Variants in PDE3A observed in about 807,000 individuals in gnomAD.
The protein encoded by PDE3A is cGMP-inhibited 3',5'-cyclic phosphodiesterase 3A.
In PDE3A, 43 loss-of-function variants were observed where a neutral mutation model predicts 98.3. The observed-to-expected ratio is 0.44, with a 90% CI of 0.34 to 0.56. PDE3A has a LOEUF of 0.56. Among genes scored for constraint, PDE3A ranks in the 20% least tolerant of loss-of-function variants. The pLI, the probability that PDE3A is intolerant of heterozygous loss-of-function variation, is 0.01. For synonymous variants in PDE3A, 663 were observed against 567.9 expected (o/e 1.17, Z -2.38); for missense variants, 1,427 against 1,440.7 (o/e 0.99, Z 0.15).
chr12:20,420,144 T>C (rs896027355), intron 1 of PDE3A, among the ~76,000 whole-genome samples: 3 of 152,202 alleles, frequency 2.0e-5, no homozygotes, highest in African/African-American at 7.2e-5. Context: ...TATTTAGATC[T>C]TGGTGCAAGT....
chr12:20,395,024 A>G (rs1279340301), intron 1 of PDE3A, among the ~76,000 whole-genome samples: 2 of 152,094 alleles, frequency 1.3e-5, no homozygotes, highest in African/African-American at 4.8e-5. Flanking sequence ...ATCAATAGAA[A>G]TTGAATTTTT....
chr12:20,513,424 C>T (rs1054825403), intron 1 of PDE3A, among the ~76,000 whole-genome samples: 1 of 152,126 alleles, frequency 6.6e-6, no homozygotes, highest in Non-Finnish European at 1.5e-5. Flanking sequence ...TAAACTATTT[C>T]ATGAGTAATA....
chr12:20,606,753 G>A (rs557450848), intron 2 of PDE3A, among the ~76,000 whole-genome samples: 2 of 151,120 alleles, frequency 1.3e-5, no homozygotes, highest in Admixed American at 1.3e-4. Flanking sequence ...AGCTACTTGG[G>A]AGGCTGAGAC....
intron 1 of PDE3A, among the ~76,000 whole-genome samples, chr12:20,503,085 C>A (rs1591995282): frequency 6.6e-6 from 1 of 152,092 alleles, no homozygotes; most frequent in South Asian, 2.1e-4. Flanking sequence ...TCATTATCAT[C>A]ATGACCGTTT....
intron 5 of PDE3A, among the ~76,000 whole-genome samples, chr12:20,623,183 A>G (rs1944177380): frequency 1.3e-5 from 2 of 152,064 alleles, no homozygotes; most frequent in Non-Finnish European, 2.9e-5. Context: ...CCAGAAAGCA[A>G]CACAGATGAA....
At chr12:20,404,343 GAGATGC>G (rs1483064609) in intron 1 of PDE3A, among the ~76,000 whole-genome samples, 1 of 151,880 alleles carries the variant, frequency 6.6e-6, no homozygotes, top group African/African-American at 2.4e-5. Flanking sequence ...TATAATCTTG[GAGATGC>G]ATGTTGCTTA....
At chr12:20,635,194 G>T in intron 8 of PDE3A, 138 bp downstream of exon 8, 3 of 691,724 alleles carry the variant, frequency 4.3e-6, no homozygotes, top group Non-Finnish European at 4.8e-6. Context: ...GACGAAGCGG[G>T]CAGATCACGA....
chr12:20,500,768 C>CTT (rs61218707), intron 1 of PDE3A, among the ~76,000 whole-genome samples: 175 of 133,362 alleles, frequency 1.3e-3, no homozygotes, highest in African/African-American at 4.5e-3. Context: ...TTCTTTCTTT[C>CTT]TTTTTTTTTT....
At chr12:20,416,180 G>A (rs1230503344) in intron 1 of PDE3A, among the ~76,000 whole-genome samples, 1 of 152,130 alleles carries the variant, frequency 6.6e-6, no homozygotes, top group African/African-American at 2.4e-5. Context: ...GTTGGTATAT[G>A]GATGTATATG....
chr12:20,635,339 G>A (rs1944479385), intron 8 of PDE3A, among the ~76,000 whole-genome samples: 3 of 152,038 alleles, frequency 2.0e-5, no homozygotes, highest in Admixed American at 2.0e-4. Context: ...GGCCAAGGCG[G>A]GAGTATCACG....
chr12:20,620,952 A>G (rs1276065759), intron 4 of PDE3A, among the ~76,000 whole-genome samples: 1 of 152,116 alleles, frequency 6.6e-6, no homozygotes, highest in African/African-American at 2.4e-5. Context: ...CATCTTAACC[A>G]GTTAATCTGT....
rs965141436 is a variant in PDE3A, at chr12:20,680,309, C to T, written c.*38C>T. On this transcript the variant is annotated 3_prime_UTR_variant, in exon 16 of 16. Coordinates refer to ENST00000359062, the MANE Select transcript of PDE3A (RefSeq NM_000921.5). ...TGGGCTGTGTTTCCAAACAGATTGA[C>T]TTGTCAAAGACTCTCTTCAAGCCAG... The T allele has an allele frequency of 3.1e-6, 5 of 1,607,128 alleles. No homozygotes were observed. The highest frequency in any genetic ancestry group is 1.1e-5 in the South Asian group (1 of 90,370).
At chr12:20,619,847 C>A (rs1344387943) in intron 4 of PDE3A, among the ~76,000 whole-genome samples, 1 of 151,942 alleles carries the variant, frequency 6.6e-6, no homozygotes, top group Non-Finnish European at 1.5e-5. Flanking sequence ...GAAGAAAAAT[C>A]TCTCTGAAAT....
rs148102652 is a variant in PDE3A, at chr12:20,585,458, T to C, written c.1012-27985T>C. Among the ~76,000 whole-genome samples, 1,211 of 152,310 alleles carry C rather than the reference T, an allele frequency of 8.0e-3. 9 individuals carry two copies. The highest frequency in any genetic ancestry group is 0.012 in the Non-Finnish European group (833 of 68,026). ...TCTCTTCCCATTCTCATGTTCTGCT[T>C]TAACCAAAACAACGTAAGTTATTGA... On this transcript the variant is annotated intron_variant, in intron 2 of 15. Coordinates refer to ENST00000359062, the MANE Select transcript of PDE3A (RefSeq NM_000921.5).
intron 1 of PDE3A, among the ~76,000 whole-genome samples, chr12:20,504,449 T>A (rs756284408): frequency 2.6e-5 from 4 of 152,144 alleles, no homozygotes; most frequent in Non-Finnish European, 5.9e-5. Flanking sequence ...AGTTATCTAT[T>A]GCTGCTATTA....
intron 1 of PDE3A, among the ~76,000 whole-genome samples, chr12:20,374,090 A>C (rs5007546): frequency 0.78 from 117,868 of 152,038 alleles, 46,123 homozygotes; most frequent in East Asian, 0.98. Flanking sequence ...AAAGAGCAAT[A>C]TTGATTACTT....
intron 1 of PDE3A, among the ~76,000 whole-genome samples, chr12:20,478,313 T>C (rs957954308): frequency 1.3e-5 from 2 of 152,308 alleles, no homozygotes; most frequent in Admixed American, 1.3e-4. Context: ...ATATAGTATA[T>C]AGTTGTAATA....
chr12:20,668,326 T>A (rs931125986), intron 15 of PDE3A, among the ~76,000 whole-genome samples: 1 of 152,112 alleles, frequency 6.6e-6, no homozygotes, highest in African/African-American at 2.4e-5. Flanking sequence ...GCCAGGAAGC[T>A]CGAACTGGGT....
chr12:20,430,139 A>G (rs750595756), intron 1 of PDE3A, among the ~76,000 whole-genome samples: 1 of 152,178 alleles, frequency 6.6e-6, no homozygotes, highest in Non-Finnish European at 1.5e-5. Flanking sequence ...TTAAGAGAAC[A>G]GTGCACTTAA....
Sources: gnomAD v4.1 joint callset for allele counts (sites outside exome capture counted in the v4.1 genomes callset) on GRCh38, gnomAD v4.1.1 for gene constraint, MANE v1.5 for transcripts, NCBI Gene and HGNC (gene_info 2026-07-23, HGNC 2026-07-21) for gene names.